The following VAV3 variants were observed in gnomAD, a reference collection of about 807,000 sequenced individuals.
VAV3 encodes guanine nucleotide exchange factor VAV3.
In VAV3, 94 loss-of-function variants were observed where a neutral mutation model predicts 131.2. The observed-to-expected ratio is 0.72, with a 90% CI of 0.61 to 0.85. The LOEUF (loss-of-function observed/expected upper bound fraction) is 0.85, where lower values mean the gene tolerates loss of function less well. Among genes scored for constraint, VAV3 ranks in the 40% least tolerant of loss-of-function variants. VAV3 has a pLI of 0.00. For missense variants in VAV3, 939 were observed against 1,002.7 expected (o/e 0.94, Z 0.86); for synonymous variants, 349 against 342.0 (o/e 1.02, Z -0.22).
At chr1:107,899,606 T>C (rs1468443803) in intron 1 of VAV3, among the ~76,000 whole-genome samples, 3 of 152,172 alleles carry the variant, frequency 2.0e-5, no homozygotes, top group African/African-American at 7.2e-5. Flanking sequence ...AATGAATTCA[T>C]TGGAATTTTC....
intron 2 of VAV3, among the ~76,000 whole-genome samples, chr1:107,838,310 C>A (rs992498827): frequency 6.6e-6 from 1 of 152,150 alleles, no homozygotes; most frequent in Non-Finnish European, 1.5e-5. Context: ...TGAACAGACC[C>A]TTCTCAAAAG....
At chr1:107,944,862 T>C (rs932276473) in intron 1 of VAV3, among the ~76,000 whole-genome samples, 2 of 152,158 alleles carry the variant, frequency 1.3e-5, no homozygotes, top group African/African-American at 4.8e-5. Flanking sequence ...CGCCTCGGCC[T>C]CCCAAAGTGC....
At chr1:107,855,273 ATTTAT>A (rs1256979484) in intron 2 of VAV3, among the ~76,000 whole-genome samples, 2 of 151,930 alleles carry the variant, frequency 1.3e-5, no homozygotes, top group South Asian at 2.1e-4. Context: ...ATTTAACTCT[ATTTAT>A]TTTATTTTAT....
intron 1 of VAV3, among the ~76,000 whole-genome samples, chr1:107,921,544 G>A (rs560598522): frequency 1.3e-5 from 2 of 152,298 alleles, no homozygotes; most frequent in Admixed American, 6.5e-5. Context: ...TAAAGTTCTG[G>A]AAAGTGGTAG....
intron 20 of VAV3, 86 bp downstream of exon 20, chr1:107,642,533 G>T: frequency 6.7e-7 from 1 of 1,493,360 alleles, no homozygotes; most frequent in South Asian, 1.2e-5. Context: ...TTGCACTGTG[G>T]ACTCGCCCTG....
chr1:107,882,122 T>C (rs345290), intron 1 of VAV3, among the ~76,000 whole-genome samples: 130,228 of 152,132 alleles, frequency 0.86, 55,952 homozygotes, highest in African/African-American at 0.92. Context: ...AGAGGAAAAA[T>C]CTCTACAGCT....
At chr1:107,601,203 C>T (rs1313564167) in intron 24 of VAV3, among the ~76,000 whole-genome samples, 1 of 152,150 alleles carries the variant, frequency 6.6e-6, no homozygotes, top group Non-Finnish European at 1.5e-5. Context: ...TTACTTCCAG[C>T]AGGGAGGATG....
At chr1:107,725,983 T>C (rs1213421697) in intron 15 of VAV3, among the ~76,000 whole-genome samples, 2 of 152,112 alleles carry the variant, frequency 1.3e-5, no homozygotes, top group Non-Finnish European at 2.9e-5. Context: ...ACAATTCTGA[T>C]AGATGAAGGA....
At chr1:107,580,040 A>G (rs1010704703) in intron 25 of VAV3, among the ~76,000 whole-genome samples, 23 of 152,294 alleles carry the variant, frequency 1.5e-4, no homozygotes, top group African/African-American at 4.8e-4. Flanking sequence ...GCCCTCTGGT[A>G]GGCATTGCAT....
intron 2 of VAV3, among the ~76,000 whole-genome samples, chr1:107,813,607 G>A (rs1252587426): frequency 6.6e-6 from 1 of 152,044 alleles, no homozygotes; most frequent in African/African-American, 2.4e-5. Context: ...TCTATGTGTT[G>A]GAACATTTCA....
intron 20 of VAV3, among the ~76,000 whole-genome samples, chr1:107,634,935 A>G (rs1253994113): frequency 6.6e-6 from 1 of 151,962 alleles, no homozygotes; most frequent in East Asian, 1.9e-4. Flanking sequence ...ATCTCACACC[A>G]GTTAGAATGG....
At chr1:107,834,573 C>T (rs1395719678) in intron 2 of VAV3, among the ~76,000 whole-genome samples, 1 of 151,808 alleles carries the variant, frequency 6.6e-6, no homozygotes, top group African/African-American at 2.4e-5. Flanking sequence ...TGACAGACCA[C>T]ATTCCAGGCC....
intron 1 of VAV3, among the ~76,000 whole-genome samples, chr1:107,952,536 A>G (rs1386942842): frequency 6.7e-6 from 1 of 149,350 alleles, no homozygotes; most frequent in Non-Finnish European, 1.5e-5. Flanking sequence ...AAATACCTTG[A>G]GCCATGCACA....
chr1:107,857,977 C>G (rs1669548013), intron 2 of VAV3, among the ~76,000 whole-genome samples: 1 of 152,094 alleles, frequency 6.6e-6, no homozygotes, highest in Non-Finnish European at 1.5e-5. Context: ...ATTTATGTAA[C>G]AAGTAATATA....
intron 19 of VAV3, among the ~76,000 whole-genome samples, chr1:107,681,195 A>G (rs1261382459): frequency 1.3e-5 from 2 of 152,136 alleles, no homozygotes; most frequent in Admixed American, 1.3e-4. Flanking sequence ...AGGCCCTGCA[A>G]AGTCATGTGT....
intron 19 of VAV3, among the ~76,000 whole-genome samples, chr1:107,661,509 ATTAATT>A (rs1196521426): frequency 1.3e-5 from 2 of 152,142 alleles, no homozygotes; most frequent in African/African-American, 4.8e-5. Context: ...TAACTTGTAT[ATTAATT>A]TTGTTTTGCT....
chr1:107,762,635 C>T (rs905434437), intron 9 of VAV3, among the ~76,000 whole-genome samples: 2 of 151,968 alleles, frequency 1.3e-5, no homozygotes, highest in African/African-American at 4.8e-5. Context: ...TTATGTTATG[C>T]CATCCCAACA....
intron 2 of VAV3, among the ~76,000 whole-genome samples, chr1:107,832,482 C>T (rs1668298245): frequency 6.6e-6 from 1 of 152,164 alleles, no homozygotes; most frequent in East Asian, 1.9e-4. Context: ...AAAGGCAGTC[C>T]CACTGACTGC....
chr1:107,711,651 T>C (rs1400758713), intron 15 of VAV3, among the ~76,000 whole-genome samples: 1 of 152,172 alleles, frequency 6.6e-6, no homozygotes, highest in Non-Finnish European at 1.5e-5. Context: ...TTAGGTTCTA[T>C]AAAATAAAGT....
Sources: gnomAD v4.1 joint callset for allele counts (sites outside exome capture counted in the v4.1 genomes callset) on GRCh38, gnomAD v4.1.1 for gene constraint, MANE v1.5 for transcripts, NCBI Gene and HGNC (gene_info 2026-07-23, HGNC 2026-07-21) for gene names.